Variants in ARHGAP24 observed in about 807,000 individuals in gnomAD.
The protein encoded by ARHGAP24 is Rho GTPase activating protein 24.
Under a neutral mutation model 76.4 loss-of-function variants are expected in ARHGAP24, and 50 were observed. The observed-to-expected ratio is 0.65, with a 90% CI of 0.52 to 0.83. The LOEUF (loss-of-function observed/expected upper bound fraction) is 0.83, where lower values mean the gene tolerates loss of function less well. ARHGAP24 is among the 40% of genes least tolerant of loss of function. The pLI is 0.00. For missense variants in ARHGAP24, 930 were observed against 914.2 expected (o/e 1.02, Z -0.22); for synonymous variants, 345 against 323.3 (o/e 1.07, Z -0.72).
chr4:85,506,901 T>TA (rs11438274), intron 1 of ARHGAP24, among the ~76,000 whole-genome samples: 1 of 151,732 alleles, frequency 6.6e-6, no homozygotes, highest in South Asian at 2.1e-4. Flanking sequence ...CCTTTTTTTT[T>TA]CCCCCCATGT....
At chr4:85,987,617 ATTT>A (rs1740077558) in intron 8 of ARHGAP24, among the ~76,000 whole-genome samples, 1 of 152,086 alleles carries the variant, frequency 6.6e-6, no homozygotes, top group Non-Finnish European at 1.5e-5. Flanking sequence ...GATCAAATGT[ATTT>A]TTAAAGTCCA....
At chr4:85,611,417 G>T (rs1720377171) in intron 2 of ARHGAP24, among the ~76,000 whole-genome samples, 2 of 152,120 alleles carry the variant, frequency 1.3e-5, no homozygotes, top group African/African-American at 4.8e-5. Context: ...ATTAAAGCAT[G>T]TATCTCCACT....
chr4:85,825,015 G>T (rs923963392), intron 3 of ARHGAP24, among the ~76,000 whole-genome samples: 2 of 152,034 alleles, frequency 1.3e-5, no homozygotes, highest in Non-Finnish European at 2.9e-5. Context: ...ACTTGAACCT[G>T]GGAGGCGGAG....
intron 2 of ARHGAP24, among the ~76,000 whole-genome samples, chr4:85,571,265 C>G (rs1414585354): frequency 6.6e-6 from 1 of 152,202 alleles, no homozygotes; most frequent in East Asian, 1.9e-4. Flanking sequence ...GTCTCTGTTG[C>G]TTTGTAGTTC....
At chr4:85,828,047 T>G in intron 3 of ARHGAP24, 1 of 1,150,998 alleles carries the variant, frequency 8.7e-7, no homozygotes, top group Non-Finnish European at 1.2e-6. Context: ...TGTTTAATAA[T>G]TTGGGGATAT....
chr4:85,979,555 G>A (rs1157440728), intron 8 of ARHGAP24, among the ~76,000 whole-genome samples: 1 of 151,900 alleles, frequency 6.6e-6, no homozygotes, highest in Non-Finnish European at 1.5e-5. Flanking sequence ...TCTACTCTAG[G>A]TACCTCATAT....
intron 2 of ARHGAP24, among the ~76,000 whole-genome samples, chr4:85,721,406 C>CAA (rs11409263): frequency 0.018 from 1,948 of 107,286 alleles, 37 homozygotes; most frequent in Admixed American, 0.056. Context: ...AAAAAACAAA[C>CAA]AAAAAAAAAA....
chr4:85,978,389 C>T (rs977577974), intron 8 of ARHGAP24, among the ~76,000 whole-genome samples: 2 of 152,128 alleles, frequency 1.3e-5, no homozygotes, highest in South Asian at 2.1e-4. Context: ...GATTTTACTA[C>T]CTGATACCGT....
At chr4:85,595,385 T>C (rs1719767255) in intron 2 of ARHGAP24, among the ~76,000 whole-genome samples, 1 of 152,032 alleles carries the variant, frequency 6.6e-6, no homozygotes, top group Non-Finnish European at 1.5e-5. Flanking sequence ...ACAAGTCAGG[T>C]GGTATTTATA....
chr4:85,499,544 C>T (rs1336252913), intron 1 of ARHGAP24, among the ~76,000 whole-genome samples: 4 of 152,174 alleles, frequency 2.6e-5, no homozygotes, highest in Non-Finnish European at 5.9e-5. Context: ...TAAGAATATT[C>T]TCCAGAGGTT....
intron 2 of ARHGAP24, among the ~76,000 whole-genome samples, chr4:85,666,767 C>G (rs1722635931): frequency 6.6e-6 from 1 of 152,204 alleles, no homozygotes; most frequent in Non-Finnish European, 1.5e-5. Flanking sequence ...CCACTCCAGA[C>G]CCTGTTTGCC....
chr4:85,905,305 G>T (rs938230745), intron 3 of ARHGAP24, among the ~76,000 whole-genome samples: 1 of 152,104 alleles, frequency 6.6e-6, no homozygotes, highest in Non-Finnish European at 1.5e-5. Flanking sequence ...TAGCCAGTAA[G>T]CTAGGCATAT....
chr4:85,728,106 G>T (rs998343002), intron 3 of ARHGAP24, among the ~76,000 whole-genome samples: 1 of 150,578 alleles, frequency 6.6e-6, no homozygotes, highest in Non-Finnish European at 1.5e-5. Flanking sequence ...TGTTACTTTT[G>T]TACATTTCAA....
At chr4:85,655,788 T>TAG (rs1296201189) in intron 2 of ARHGAP24, among the ~76,000 whole-genome samples, 20 of 49,530 alleles carry the variant, frequency 4.0e-4, no homozygotes, top group African/African-American at 1.0e-3. Flanking sequence ...TATATATATA[T>TAG]ATATAGAGAG....
At position 85,651,627 on chromosome 4, in the gene ARHGAP24, CT is replaced by C. The variant is rs1011654431; in HGVS notation, c.181-70254del. On this transcript the variant is annotated intron_variant, in intron 2 of 9. Coordinates refer to ENST00000395184, the MANE Select transcript of ARHGAP24 (RefSeq NM_001025616.3). ...ACTAGTGTTTTATTATTAATACTCA[CT>C]TTTAGTCTTTACCCAAACTGTGAAC... 2.0e-5 allele frequency among the ~76,000 whole-genome samples: 3 copies of C among 148,670 alleles called. 1 individual carries two copies. Among genetic ancestry groups the C allele is most frequent in the African/African-American group, 7.8e-5 (3 of 38,482 alleles).
intron 3 of ARHGAP24, among the ~76,000 whole-genome samples, chr4:85,885,560 G>A (rs1733517521): frequency 6.6e-6 from 1 of 151,992 alleles, no homozygotes. Flanking sequence ...AAAATTTGAA[G>A]TATAACAAAA....
chr4:85,668,085 C>A (rs1038239666), intron 2 of ARHGAP24, among the ~76,000 whole-genome samples: 1 of 152,138 alleles, frequency 6.6e-6, no homozygotes, highest in African/African-American at 2.4e-5. Flanking sequence ...CTCTTGTGAT[C>A]CCCTTCAGTT....
intron 1 of ARHGAP24, among the ~76,000 whole-genome samples, chr4:85,483,543 C>T (rs763115549): frequency 1.3e-4 from 19 of 151,964 alleles, no homozygotes; most frequent in Non-Finnish European, 2.2e-4. Context: ...ACCCTGGAGG[C>T]GGAGGTTGCA....
chr4:85,757,841 A>G (rs1414837595), intron 3 of ARHGAP24, among the ~76,000 whole-genome samples: 1 of 152,166 alleles, frequency 6.6e-6, no homozygotes, highest in Admixed American at 6.5e-5. Flanking sequence ...CAACAGTGTA[A>G]AAGTGCTCCT....
Sources: gnomAD v4.1 joint callset for allele counts (sites outside exome capture counted in the v4.1 genomes callset) on GRCh38, gnomAD v4.1.1 for gene constraint, MANE v1.5 for transcripts, NCBI Gene and HGNC (gene_info 2026-07-23, HGNC 2026-07-21) for gene names.